Variants in KANK1 observed in about 807,000 individuals in gnomAD.
KANK1 encodes the protein KN motif and ankyrin repeat domain-containing protein 1.
KANK1 carries 109 observed loss-of-function variants against 106.2 expected under a neutral mutation model. The observed-to-expected ratio is 1.03, with a 90% CI of 0.88 to 1.20. The LOEUF (loss-of-function observed/expected upper bound fraction) is 1.20, where lower values mean the gene tolerates loss of function less well. Ranked by LOEUF, KANK1 falls within the 50% of genes most tolerant of loss-of-function variation. KANK1 has a pLI of 0.00. For missense variants in KANK1, 2,399 were observed against 1,710.7 expected (o/e 1.40, Z -7.10); for synonymous variants, 873 against 652.2 (o/e 1.34, Z -5.16).
chr9:671,470 C>T (rs1353247921), intron 1 of KANK1, among the ~76,000 whole-genome samples: 4 of 40,682 alleles, frequency 9.8e-5, no homozygotes, highest in East Asian at 1.0e-3. Flanking sequence ...ACGGTGAAAC[C>T]GCATCTCTAC....
At chr9:664,868 T>A (rs1844213300) in intron 1 of KANK1, among the ~76,000 whole-genome samples, 1 of 152,232 alleles carries the variant, frequency 6.6e-6, no homozygotes, top group Admixed American at 6.5e-5. Flanking sequence ...AAAGCTATTC[T>A]AATTGGGGTG....
At chr9:525,385 A>G (rs1047925616) in intron 1 of KANK1, among the ~76,000 whole-genome samples, 56 of 100,188 alleles carry the variant, frequency 5.6e-4, no homozygotes, top group African/African-American at 1.3e-3. Context: ...GTGTGTGTGT[A>G]TTTATTTGAG....
At chr9:546,368 T>G (rs777963005) in intron 1 of KANK1, among the ~76,000 whole-genome samples, 1 of 151,932 alleles carries the variant, frequency 6.6e-6, no homozygotes, top group Non-Finnish European at 1.5e-5. Flanking sequence ...CACTCTGCAG[T>G]GTCCAGGACA....
intron 1 of KANK1, among the ~76,000 whole-genome samples, chr9:623,355 C>T (rs1016764001): frequency 2.6e-5 from 4 of 151,882 alleles, no homozygotes; most frequent in Non-Finnish European, 2.9e-5. Context: ...TTTGGGAAGC[C>T]GAGGCAGGTG....
At chr9:721,655 A>G (rs1256038817) in intron 3 of KANK1, among the ~76,000 whole-genome samples, 1 of 152,172 alleles carries the variant, frequency 6.6e-6, no homozygotes. Context: ...TGATAACTCA[A>G]TAATTGATTG....
At chr9:726,436 C>G (rs796383854) in intron 3 of KANK1, among the ~76,000 whole-genome samples, 4 of 151,992 alleles carry the variant, frequency 2.6e-5, no homozygotes, top group African/African-American at 9.7e-5. Context: ...GTCAGGAGTT[C>G]GAGTCCAACC....
rs993468720 is a variant in KANK1, at chr9:642,781, C to G, written c.-83-34109C>G. Among the ~76,000 whole-genome samples the G allele has an allele frequency of 1.1e-4, 17 of 148,386 alleles. 3 individuals are homozygous for G. The highest frequency in any genetic ancestry group is 4.4e-4 in the African/African-American group (17 of 38,910). On this transcript the variant is annotated intron_variant, in intron 1 of 11. Transcript: ENST00000382297. ...CCTGTCACCTTTTTTTTTTCTCTAT[C>G]TAGTGAGCTGCTTCTATAGATGGAA...
chr9:560,779 GAA>G (rs34890353), intron 1 of KANK1, among the ~76,000 whole-genome samples: 20 of 148,482 alleles, frequency 1.3e-4, no homozygotes, highest in African/African-American at 2.8e-4. Context: ...CATCAGGATA[GAA>G]AAAAAAAAAG....
At chr9:639,329 A>G in intron 1 of KANK1, among the ~76,000 whole-genome samples, 1 of 151,726 alleles carries the variant, frequency 6.6e-6, no homozygotes, top group South Asian at 2.1e-4. Context: ...TTATTTATTT[A>G]TTATTATTAT....
chr9:611,958 T>A (rs565663167), intron 1 of KANK1, among the ~76,000 whole-genome samples: 14 of 152,362 alleles, frequency 9.2e-5, no homozygotes, highest in Middle Eastern at 3.4e-3. Flanking sequence ...GACCTTGTGA[T>A]CCGCCAGTCT....
chr9:652,485 T>G (rs1204468279), intron 1 of KANK1, among the ~76,000 whole-genome samples: 1 of 152,150 alleles, frequency 6.6e-6, no homozygotes, highest in African/African-American at 2.4e-5. Flanking sequence ...ATCGTGCCAT[T>G]GCACTCCAGC....
intron 2 of KANK1, among the ~76,000 whole-genome samples, chr9:686,170 C>A (rs9408678): frequency 0.21 from 32,578 of 152,118 alleles, 4,370 homozygotes; most frequent in East Asian, 0.54. Context: ...AAAGTTCTCT[C>A]TTCCTCTGTT....
In KANK1 at chr9:711,175, A is replaced by G. The variant is rs1825950157; in HGVS notation, c.409A>G (p.Asn137Asp). 6.2e-7 allele frequency: 1 copy of G among 1,614,190 alleles called. No individual in the cohort carries two copies. ...ACTCCCTTTTCTTACCATCCCAGAA[A>G]ATCGACAGCTGCCACCTCCCTCACC... is the stretch of plus-strand genomic sequence containing the variant. ...TSLPFLTIPE[N>D]RQLPPPSPQL... The change falls in exon 3 of 12, where the codon AAT becomes GAT. Residue 137 changes from asparagine to aspartate, a missense_variant. Coordinates refer to ENST00000382297, the MANE Select transcript of KANK1 (RefSeq NM_015158.5).
At chr9:471,444 A>AGGAGATG (rs2058018938) in intron 2 of KANK1, 2 of 152,356 alleles carry the variant, frequency 1.3e-5, no homozygotes, top group African/African-American at 4.8e-5. Context: ...GCATGCCCCA[A>AGGAGATG]GGAGATGGTG....
In KANK1 at chr9:607,484, CAA is replaced by C. The variant is rs760884670; in HGVS notation, c.-83-69384_-83-69383del. 2.6e-3 allele frequency among the ~76,000 whole-genome samples: 158 copies of C among 61,196 alleles called. 1 individual carries two copies. Among genetic ancestry groups the C allele is most frequent in the African/African-American group, 7.6e-3 (130 of 17,218 alleles). The allele number at this position is 61,196 out of a possible 152,430, so 40.1% of individuals were successfully genotyped here. ...TGGGCGTTACAGCAAGACTCCATCT[CAA>C]AAAAAAAAAAAAAAAAAAAAAGGAG... On this transcript the variant is annotated intron_variant, in intron 1 of 11. Coordinates refer to ENST00000382297, the MANE Select transcript of KANK1 (RefSeq NM_015158.5).
At chr9:606,108 C>G (rs77200189) in intron 1 of KANK1, among the ~76,000 whole-genome samples, 1,982 of 150,240 alleles carry the variant, frequency 0.013, 95 homozygotes, top group African/African-American at 0.046. Context: ...ATAGAACTTT[C>G]CCCCAGTATA....
At chr9:501,724 A>C (rs745726210), upstream of KANK1, among the ~76,000 whole-genome samples, 1 of 107,410 alleles carries the variant, frequency 9.3e-6, no homozygotes, top group Admixed American at 7.7e-5. Flanking sequence ...GTTACTTTTT[A>C]AAAAAATAGA....
intron 1 of KANK1, among the ~76,000 whole-genome samples, chr9:591,813 G>C (rs1382082168): frequency 6.6e-6 from 1 of 151,498 alleles, no homozygotes; most frequent in East Asian, 1.9e-4. Context: ...TGCCCACTAC[G>C]ACGCCCAGCT....
chr9:700,602 C>G (rs1048032061), intron 2 of KANK1, among the ~76,000 whole-genome samples: 11 of 152,166 alleles, frequency 7.2e-5, no homozygotes, highest in African/African-American at 2.7e-4. Flanking sequence ...GATGCTTACA[C>G]TCTGGGGCTT....
Sources: gnomAD v4.1 joint callset for allele counts (sites outside exome capture counted in the v4.1 genomes callset) on GRCh38, gnomAD v4.1.1 for gene constraint, MANE v1.5 for transcripts, NCBI Gene and HGNC (gene_info 2026-07-23, HGNC 2026-07-21) for gene names.